The following CLIC5 variants were observed in gnomAD, a reference collection of about 807,000 sequenced individuals.
CLIC5 encodes chloride intracellular channel protein 5.
CLIC5 carries 20 observed loss-of-function variants against 24.7 expected under a neutral mutation model. The ratio of observed to expected loss-of-function variants is 0.81; its 90% CI spans 0.57 to 1.18. CLIC5 has a LOEUF of 1.18. CLIC5 is among the 50% of genes most tolerant of loss of function. The pLI is 0.00. For missense variants in CLIC5, 341 were observed against 326.1 expected (o/e 1.05, Z -0.35); for synonymous variants, 159 against 135.6 (o/e 1.17, Z -1.20).
At chr6:46,002,177 T>C (rs945092117) in intron 1 of CLIC5, among the ~76,000 whole-genome samples, 10 of 152,250 alleles carry the variant, frequency 6.6e-5, no homozygotes, top group Admixed American at 4.6e-4. Flanking sequence ...ATGGACGATA[T>C]TGTAAATTTC....
chr6:46,047,454 T>C (rs532511914), intron 1 of CLIC5, among the ~76,000 whole-genome samples: 6 of 152,046 alleles, frequency 3.9e-5, no homozygotes, highest in Non-Finnish European at 7.3e-5. Flanking sequence ...TTGAAAGATA[T>C]AGAGCTAGAA....
rs11421773 is a variant in CLIC5, at chr6:45,941,402, C to CGGG, written c.406+142_406+144dup. The CGGG allele has an allele frequency of 7.8e-6, 5 of 636,944 alleles. No homozygotes were observed. The South Asian group carries it at 9.1e-5, about 12-fold the overall frequency. 39.5% of individuals were successfully genotyped at this position (636,944 alleles called of 1,614,324 possible). On this transcript the variant is annotated intron_variant, in intron 4 of 5. Coordinates refer to ENST00000339561, the MANE Select transcript of CLIC5 (RefSeq NM_016929.5). ...GTCAAGGGGGACAAGATGGTGGTGG[C>CGGG]GGGGGGTGGGGGCAAATAATAAGCA... is the stretch of plus-strand genomic sequence containing the variant.
intron 1 of CLIC5, among the ~76,000 whole-genome samples, chr6:46,021,437 G>T (rs1436261223): frequency 6.6e-6 from 1 of 152,052 alleles, no homozygotes; most frequent in Admixed American, 6.5e-5. Flanking sequence ...TATTATCCAA[G>T]AGAAATGAAA....
At chr6:45,919,398 G>A (rs760790138) in intron 4 of CLIC5, among the ~76,000 whole-genome samples, 1 of 152,132 alleles carries the variant, frequency 6.6e-6, no homozygotes, top group African/African-American at 2.4e-5. Flanking sequence ...GGGGGTTACA[G>A]GTGGGCTGCT....
rs549400982 is a variant in CLIC5, at chr6:46,056,104, A to T, written c.540+23599T>A. ...TAAATTTTACGTTATGTATATTTTT[A>T]CCTCAATGTAAAAAATAGTAAAAAC... is the stretch of plus-strand genomic sequence containing the variant. On this transcript the variant is annotated intron_variant, in intron 1 of 5. Coordinates refer to the CLIC5 transcript ENST00000185206. Among the ~76,000 whole-genome samples, 149 of 152,316 alleles carry T rather than the reference A, an allele frequency of 9.8e-4. 4 individuals carry two copies. In the South Asian group the frequency reaches 0.028, roughly 28 times the overall value.
intron 4 of CLIC5, among the ~76,000 whole-genome samples, chr6:45,939,843 G>T (rs1411448135): frequency 6.6e-6 from 1 of 151,326 alleles, no homozygotes; most frequent in Non-Finnish European, 1.5e-5. Context: ...GTAAAGACAG[G>T]GTCTTACTAT....
the CLIC5 span, among the ~76,000 whole-genome samples, chr6:46,123,460 A>T: frequency 2.0e-5 from 3 of 152,198 alleles, no homozygotes; most frequent in African/African-American, 7.2e-5. Flanking sequence ...TTTATGACAG[A>T]CCCACAGCCA....
chr6:46,063,595 T>C (rs1762355700), intron 1 of CLIC5, among the ~76,000 whole-genome samples: 1 of 152,180 alleles, frequency 6.6e-6, no homozygotes, highest in Non-Finnish European at 1.5e-5. Flanking sequence ...AGGAGTCCCC[T>C]TGAATCTTTG....
chr6:46,029,972 G>A (rs1475566704), intron 1 of CLIC5, among the ~76,000 whole-genome samples: 1 of 152,078 alleles, frequency 6.6e-6, no homozygotes, highest in East Asian at 1.9e-4. Flanking sequence ...AGTTACCCTG[G>A]GAGTTATGCC....
chr6:45,941,184 C>G (rs894285635), intron 4 of CLIC5, among the ~76,000 whole-genome samples: 1 of 152,196 alleles, frequency 6.6e-6, no homozygotes, highest in Non-Finnish European at 1.5e-5. Flanking sequence ...ATATGTTGCT[C>G]TAATGTGATC....
intron 1 of CLIC5, among the ~76,000 whole-genome samples, chr6:46,005,283 C>T (rs2127436243): frequency 6.6e-6 from 1 of 152,292 alleles, no homozygotes; most frequent in Admixed American, 6.5e-5. Context: ...TCTTTTCCCT[C>T]TTACCATAGA....
rs1762509405 is a variant in CLIC5, at chr6:45,901,437, G to C, written c.*1651C>G. 6.6e-6 allele frequency: 1 copy of C among 152,154 alleles called. No homozygotes were observed. The highest frequency in any genetic ancestry group is 2.1e-4 in the South Asian group (1 of 4,822). The allele number at this position is 152,154 out of a possible 1,614,324, so 9.4% of individuals were successfully genotyped here. On this transcript the variant is annotated 3_prime_UTR_variant, in exon 6 of 6. Coordinates refer to ENST00000339561, the MANE Select transcript of CLIC5 (RefSeq NM_016929.5). ...AGATCCCTGGAGGCAGGTAGGTCCA[G>C]GGATTGCTTGGGTTAGAATTTGTTG...
intron 1 of CLIC5, among the ~76,000 whole-genome samples, chr6:46,009,650 C>A (rs189421508): frequency 6.6e-6 from 1 of 152,102 alleles, no homozygotes; most frequent in Admixed American, 6.5e-5. Context: ...GTAGATAATA[C>A]GTGTGCATGT....
chr6:46,091,496 G>A, the CLIC5 span, among the ~76,000 whole-genome samples: 1 of 152,144 alleles, frequency 6.6e-6, no homozygotes, highest in African/African-American at 2.4e-5. Context: ...AGCACTTTGG[G>A]AGTCTAAGGC....
intron 1 of CLIC5, among the ~76,000 whole-genome samples, chr6:46,026,233 C>T (rs956374344): frequency 6.6e-6 from 1 of 152,070 alleles, no homozygotes; most frequent in Non-Finnish European, 1.5e-5. Flanking sequence ...AAGAATCTAT[C>T]CTAAAGGTGG....
At chr6:46,014,363 C>CAAAAT in intron 1 of CLIC5, 1 of 152,268 alleles carries the variant, frequency 6.6e-6, no homozygotes, top group Middle Eastern at 3.4e-3. Context: ...ATCTTTTGGG[C>CAAAAT]AAAATAACAT....
At chr6:46,027,681 G>A (rs1043538031) in intron 1 of CLIC5, among the ~76,000 whole-genome samples, 1 of 152,106 alleles carries the variant, frequency 6.6e-6, no homozygotes, top group East Asian at 1.9e-4. Flanking sequence ...AAATGCCTTT[G>A]CAAAAGTTAG....
intron 3 of CLIC5, among the ~76,000 whole-genome samples, chr6:45,948,558 T>C (rs970717534): frequency 6.6e-6 from 1 of 152,204 alleles, no homozygotes; most frequent in Non-Finnish European, 1.5e-5. Flanking sequence ...ATTTTTCTAG[T>C]TTTTTCAAAA....
intron 1 of CLIC5, among the ~76,000 whole-genome samples, chr6:45,995,056 T>C (rs1463803573): frequency 1.3e-5 from 2 of 152,142 alleles, no homozygotes; most frequent in African/African-American, 4.8e-5. Context: ...GAAATGTTTT[T>C]TTTAAAAAAA....
Sources: gnomAD v4.1 joint callset for allele counts (sites outside exome capture counted in the v4.1 genomes callset) on GRCh38, gnomAD v4.1.1 for gene constraint, MANE v1.5 for transcripts, NCBI Gene and HGNC (gene_info 2026-07-23, HGNC 2026-07-21) for gene names.